The following CDC27 variants were observed in gnomAD, a reference collection of about 807,000 sequenced individuals.
CDC27 encodes cell division cycle 27.
In CDC27, 27 loss-of-function variants were observed where a neutral mutation model predicts 109.7. The observed-to-expected ratio is 0.25, with a 90% confidence interval of 0.18 to 0.34. The LOEUF (loss-of-function observed/expected upper bound fraction) is 0.34, where lower values mean the gene tolerates loss of function less well. CDC27 is among the 10% of genes least tolerant of loss of function. The pLI is 1.00. For synonymous variants in CDC27, 266 were observed against 333.9 expected (o/e 0.80, Z 2.22); for missense variants, 579 against 960.2 (o/e 0.60, Z 5.25).
In CDC27 at chr17:47,118,228, CTA is replaced by C. The variant is rs2061915597; in HGVS notation, c.*2705_*2706del. ...CTTCAAAAAGAGCATTTTTAATAGA[CTA>C]AATACTGGTTATCACTGAGTTTTTG... On this transcript the variant is annotated 3_prime_UTR_variant, in exon 19 of 19. Transcript: ENST00000066544. 1 of 152,118 alleles carries C rather than the reference CTA, an allele frequency of 6.6e-6. No individual in the cohort carries two copies. Among genetic ancestry groups the C allele is most frequent in the Non-Finnish European group, 1.5e-5 (1 of 68,018 alleles). The allele number at this position is 152,118 out of a possible 1,614,324, so 9.4% of individuals were successfully genotyped here.
intron 12 of CDC27, among the ~76,000 whole-genome samples, chr17:47,140,155 C>T (rs978307078): frequency 6.6e-6 from 1 of 152,160 alleles, no homozygotes; most frequent in African/African-American, 2.4e-5. Context: ...TTTGTAACTT[C>T]CTTGCAATCT....
chr17:47,189,215 C>A lies in CDC27; in HGVS notation c.-43G>T, dbSNP rs199829880. ...ACTTTCTGCAGTGCCTCAGGCCCCC[C>A]CTGTAGCGGCTCCGGCCCGGCCAGC... is the stretch of plus-strand genomic sequence containing the variant. On this transcript the variant is annotated 5_prime_UTR_variant, in exon 1 of 19. Coordinates refer to ENST00000066544, the MANE Select transcript of CDC27 (RefSeq NM_001256.6). 45 of 1,552,044 alleles carry A rather than the reference C, an allele frequency of 2.9e-5. No individual in the cohort carries two copies. The highest frequency in any genetic ancestry group is 2.5e-4 in the Admixed American group (15 of 59,884).
At chr17:47,128,422 C>G (rs1160872098) in intron 16 of CDC27, among the ~76,000 whole-genome samples, 1 of 152,150 alleles carries the variant, frequency 6.6e-6, no homozygotes, top group Non-Finnish European at 1.5e-5. Flanking sequence ...ATCTCTTTCT[C>G]AGTTTCCTTA....
intron 14 of CDC27, among the ~76,000 whole-genome samples, chr17:47,133,056 T>TAC (rs1431411059): frequency 3.5e-5 from 1 of 28,536 alleles, no homozygotes; most frequent in Non-Finnish European, 6.6e-5. Flanking sequence ...CACACACACA[T>TAC]ACATATACAC....
chr17:47,122,086 A>C (rs768653388), intron 18 of CDC27, among the ~76,000 whole-genome samples: 15 of 152,112 alleles, frequency 9.9e-5, no homozygotes, highest in Admixed American at 5.2e-4. Flanking sequence ...TTTCTGGAAC[A>C]AAGGCATCTA....
intron 2 of CDC27, among the ~76,000 whole-genome samples, chr17:47,177,223 C>A (rs1020530567): frequency 6.6e-6 from 1 of 151,970 alleles, no homozygotes; most frequent in African/African-American, 2.4e-5. Context: ...GTGTTTGAGG[C>A]CAGCATGGGC....
Position 47,143,897 on chromosome 17 carries a change from T to A in CDC27, c.1156A>T (p.Ser386Cys). Reference sequence around the variant, plus strand: ...CTTTAAATTACCTTGGTTGTGGAGCTGTCACTAGTAAAGAGTCGTGAACTT... The same window carrying A: ...CTTTAAATTACCTTGGTTGTGGAGCAGTCACTAGTAAAGAGTCGTGAACTT... ...RRSSRLFTSD[S>C]STTKENSKKL... Residue 386 changes from serine to cysteine, a missense_variant, in exon 10 of 19, where the codon AGC becomes TGC. Ser to Cys is a moderately radical substitution (Grantham distance 112, BLOSUM62 -1). Around this residue, in one of 9 missense-constraint regions of CDC27, gnomAD observed 51 missense variants for 43.8 expected, o/e 1.16. Transcript: ENST00000066544. 6.8e-7 allele frequency: 1 copy of A among 1,460,340 alleles called. No individual in the cohort carries two copies. Among genetic ancestry groups the A allele is most frequent in the Non-Finnish European group, 9.1e-7 (1 of 1,095,376 alleles). The allele number at this position is 1,460,340 out of a possible 1,614,324, so 90.5% of individuals were successfully genotyped here.
chr17:47,136,635 T>C (rs922391588), intron 14 of CDC27, among the ~76,000 whole-genome samples: 2 of 152,206 alleles, frequency 1.3e-5, no homozygotes, highest in African/African-American at 4.8e-5. Flanking sequence ...TGTCTACTTA[T>C]ACACAAGTAC....
chr17:47,158,486 G>C (rs140968521), intron 4 of CDC27, among the ~76,000 whole-genome samples, 183 bp from the exon 5 acceptor site: 46 of 152,108 alleles, frequency 3.0e-4, no homozygotes, highest in Non-Finnish European at 4.9e-4. Context: ...CACAGAACAT[G>C]AATCAAAAGA....
intron 11 of CDC27, 65 bp from the exon 12 acceptor site, chr17:47,142,090 A>C (rs1323929389): frequency 7.8e-7 from 1 of 1,290,170 alleles, no homozygotes; most frequent in African/African-American, 1.5e-5. Flanking sequence ...TCTCTAGAAA[A>C]GGTAATTACA....
intron 14 of CDC27, among the ~76,000 whole-genome samples, chr17:47,134,218 T>C (rs1159718237): frequency 6.6e-6 from 1 of 151,194 alleles, no homozygotes; most frequent in Non-Finnish European, 1.5e-5. Context: ...TTTTAAAGAG[T>C]CACTTTTACA....
chr17:47,133,024 T>TACACACACAC (rs1218545090), intron 14 of CDC27, among the ~76,000 whole-genome samples: 1 of 47,494 alleles, frequency 2.1e-5, no homozygotes, highest in African/African-American at 8.6e-5. Context: ...TATATATATA[T>TACACACACAC]ATATACACAC....
intron 1 of CDC27, among the ~76,000 whole-genome samples, chr17:47,186,918 T>A (rs1234331384): frequency 2.0e-5 from 3 of 152,190 alleles, no homozygotes; most frequent in Non-Finnish European, 4.4e-5. Context: ...GTTTTTTTTT[T>A]AATAAAGACA....
At chr17:47,183,331 T>G (rs1318580223) in intron 1 of CDC27, among the ~76,000 whole-genome samples, 1 of 152,070 alleles carries the variant, frequency 6.6e-6, no homozygotes, top group African/African-American at 2.4e-5. Flanking sequence ...ATGCCTTAGA[T>G]ACAGTAAAGG....
At chr17:47,169,782 T>C (rs2063759121) in intron 4 of CDC27, 135 bp downstream of exon 4, 1 of 545,082 alleles carries the variant, frequency 1.8e-6, no homozygotes, top group Non-Finnish European at 2.9e-6. Context: ...GCTATTTTAA[T>C]AAGGTCATAG....
chr17:47,133,012 T>TATATATATATATAC (rs1797588294), intron 14 of CDC27, among the ~76,000 whole-genome samples: 13 of 43,736 alleles, frequency 3.0e-4, no homozygotes, highest in Non-Finnish European at 5.4e-4. Context: ...TATATATATA[T>TATATATATATATAC]ATATATATAT....
Position 47,129,541 on chromosome 17 carries a change from T to C in CDC27, c.2032-20A>G, listed in dbSNP as rs368016453. ...TTGAACCTGTAAGAAATAAAGATCA[T>C]GTTAATACTCCCTCTTGATATTTAT... On this transcript the variant is annotated intron_variant, in intron 15 of 18. Transcript: ENST00000066544. 7.1e-6 allele frequency: 11 copies of C among 1,555,658 alleles called. No individual in the cohort carries two copies. The East Asian group carries it at 2.0e-4, about 29-fold the overall frequency.
chr17:47,142,096 T>A, intron 11 of CDC27, 71 bp from the exon 12 acceptor site: 1 of 1,251,812 alleles, frequency 8.0e-7, no homozygotes, highest in Non-Finnish European at 1.1e-6. Flanking sequence ...GAAAAGGTAA[T>A]TACAAACTAA....
chr17:47,180,840 C>T (rs2064192037), intron 2 of CDC27, among the ~76,000 whole-genome samples: 1 of 149,720 alleles, frequency 6.7e-6, no homozygotes, highest in Non-Finnish European at 1.5e-5. Flanking sequence ...TAAAGTAACT[C>T]GTCCAAGGTT....
Sources: allele counts gnomAD v4.1 joint callset (sites outside exome capture counted in the v4.1 genomes callset), GRCh38; gene constraint gnomAD v4.1.1; regional missense constraint gnomAD v4.1.1; transcripts MANE v1.5; gene names NCBI Gene and HGNC (gene_info 2026-07-23, HGNC 2026-07-21).